Variants in DNAH9 observed in about 807,000 individuals in gnomAD.
DNAH9 encodes DNAH9 variant protein.
Under a neutral mutation model 471.6 loss-of-function variants are expected in DNAH9, and 345 were observed. The ratio of observed to expected loss-of-function variants is 0.73; its 90% CI spans 0.67 to 0.80. The LOEUF is 0.80. Ranked by LOEUF, DNAH9 falls within the 30% of genes least tolerant of loss-of-function variation. The pLI, the probability that DNAH9 is intolerant of heterozygous loss-of-function variation, is 0.00. For missense variants in DNAH9, 5,407 were observed against 5,609.2 expected (o/e 0.96, Z 1.15); for synonymous variants, 2,093 against 2,123.6 (o/e 0.99, Z 0.40).
At chr17:11,612,167 A>G in intron 4 of DNAH9, 1 of 487,938 alleles carries the variant, frequency 2.0e-6, no homozygotes. Context: ...GGGCCAGGAC[A>G]TACAGTTCTG....
chr17:11,837,040 C>T (rs900380697), intron 49 of DNAH9, among the ~76,000 whole-genome samples: 2 of 152,162 alleles, frequency 1.3e-5, no homozygotes, highest in African/African-American at 2.4e-5. Context: ...AAGTAGCTAA[C>T]AGATGATAGC....
intron 57 of DNAH9, among the ~76,000 whole-genome samples, chr17:11,890,354 A>C (rs1330365144): frequency 6.6e-6 from 1 of 152,226 alleles, no homozygotes; most frequent in Non-Finnish European, 1.5e-5. Flanking sequence ...GAACATGGGC[A>C]GAAGATTTTG....
chr17:11,967,653 A>G (rs529260033), intron 68 of DNAH9, among the ~76,000 whole-genome samples: 1 of 152,334 alleles, frequency 6.6e-6, no homozygotes, highest in Non-Finnish European at 1.5e-5. Flanking sequence ...ATGAATTTTA[A>G]AAAACAAACC....
At chr17:11,720,100 A>G (rs1244228687) in intron 27 of DNAH9, among the ~76,000 whole-genome samples, 1 of 152,156 alleles carries the variant, frequency 6.6e-6, no homozygotes, top group Non-Finnish European at 1.5e-5. Context: ...AATGTGTTCC[A>G]GGTTCTGAGT....
At chr17:11,966,410 A>G (rs955943024) in intron 68 of DNAH9, among the ~76,000 whole-genome samples, 15 of 152,200 alleles carry the variant, frequency 9.9e-5, no homozygotes, top group African/African-American at 3.4e-4. Context: ...ATTTTTTAAG[A>G]GAGAGAGACA....
rs1461660531 is a variant in DNAH9, at chr17:11,626,609, A to G, written c.1351-2808A>G. Reference sequence around the variant, plus strand: ...AGGTCGAAATGATCCCGTATCAGCAATGTAATAAGTTCAACCTGTATGGTG... The same window carrying G: ...AGGTCGAAATGATCCCGTATCAGCAGTGTAATAAGTTCAACCTGTATGGTG... On this transcript the variant is annotated intron_variant, in intron 6 of 68. Transcript: ENST00000262442. This position sits in a 1 kb window ranked among gnomAD's most constrained non-coding sequence, Gnocchi z 4.3. Among the ~76,000 whole-genome samples the G allele has an allele frequency of 2.6e-5, 4 of 152,210 alleles. No individual in the cohort carries two copies. Among genetic ancestry groups the G allele is most frequent in the African/African-American group, 9.7e-5 (4 of 41,444 alleles).
intron 8 of DNAH9, among the ~76,000 whole-genome samples, chr17:11,636,103 T>C (rs536966717): frequency 2.6e-5 from 4 of 152,224 alleles, no homozygotes; most frequent in South Asian, 4.2e-4. Flanking sequence ...GCCTCCCAGA[T>C]TCAGGCAATT....
intron 38 of DNAH9, among the ~76,000 whole-genome samples, chr17:11,770,626 T>G (rs1439980210): frequency 6.6e-6 from 1 of 152,158 alleles, no homozygotes; most frequent in Non-Finnish European, 1.5e-5. Context: ...CTGACTGTAG[T>G]TCAGACATGA....
chr17:11,716,176 C>T (rs1370289846), intron 26 of DNAH9, among the ~76,000 whole-genome samples: 1 of 151,276 alleles, frequency 6.6e-6, no homozygotes, highest in South Asian at 2.1e-4. Context: ...CTCTGCCTCC[C>T]GGGTTTAAGC....
rs777847268 is a variant in DNAH9 at position 11,598,722 on chromosome 17, G to C, written c.224G>C (p.Arg75Pro). The C allele has an allele frequency of 1.4e-6, 2 of 1,385,264 alleles. No individual in the cohort carries two copies. Among genetic ancestry groups the C allele is most frequent in the Non-Finnish European group, 1.9e-6 (2 of 1,077,052 alleles). 85.8% of individuals were successfully genotyped at this position (1,385,264 alleles called of 1,614,324 possible). A position where few individuals can be genotyped will look rare whatever the true frequency, so the allele number is the denominator to read the frequency against. The stretch of plus-strand genomic sequence containing the variant: ...GGGCCGCGGCCGCTGCTGGTGGTGC[G>C]GCCCGGGCCCAGGGGCCTGGCAATA... ...AEGPRPLLVV[R>P]PGPRGLAIRP... Residue 75 changes from arginine to proline, a missense_variant, in exon 1 of 69, where the codon CGG becomes CCG. Around this residue, in one of 3 missense-constraint regions of DNAH9, gnomAD observed 767 missense variants for 692.5 expected, o/e 1.11. Coordinates refer to ENST00000262442, the MANE Select transcript of DNAH9 (RefSeq NM_001372.4).
intron 60 of DNAH9, 92 bp from the exon 61 acceptor site, chr17:11,905,569 T>C: frequency 7.3e-7 from 1 of 1,364,468 alleles, no homozygotes; most frequent in Non-Finnish European, 1.0e-6. Flanking sequence ...CTTGAGCATG[T>C]TCTTTCATTT....
At chr17:11,851,924 T>C (rs904373134) in intron 49 of DNAH9, among the ~76,000 whole-genome samples, 1 of 152,212 alleles carries the variant, frequency 6.6e-6, no homozygotes, top group Non-Finnish European at 1.5e-5. Flanking sequence ...CATTTTCATC[T>C]CTGTACATTG....
chr17:11,751,093 A>G (rs1283459923), intron 32 of DNAH9, among the ~76,000 whole-genome samples: 1 of 152,018 alleles, frequency 6.6e-6, no homozygotes, highest in Non-Finnish European at 1.5e-5. Context: ...TTAATTGATG[A>G]CACATACTTG....
intron 26 of DNAH9, among the ~76,000 whole-genome samples, chr17:11,706,017 T>G (rs2074693499): frequency 6.6e-6 from 1 of 152,192 alleles, no homozygotes; most frequent in Non-Finnish European, 1.5e-5. Flanking sequence ...CTTGAAAATG[T>G]CATGGTGCAA....
At chr17:11,665,013 A>G (rs2073842714) in intron 15 of DNAH9, 45 bp downstream of exon 15, 1 of 1,556,634 alleles carries the variant, frequency 6.4e-7, no homozygotes, top group Non-Finnish European at 8.8e-7. Flanking sequence ...GAAAGATAAC[A>G]ACAGTAACAT....
chr17:11,780,391 T>TA (rs757672820), intron 38 of DNAH9, among the ~76,000 whole-genome samples: 4 of 152,200 alleles, frequency 2.6e-5, no homozygotes, highest in Non-Finnish European at 4.4e-5. Flanking sequence ...AGGCCTCTCT[T>TA]ACAGCCTCGG....
At chr17:11,938,676 A>G (rs1168029046) in intron 66 of DNAH9, among the ~76,000 whole-genome samples, 1 of 152,034 alleles carries the variant, frequency 6.6e-6, no homozygotes, top group Non-Finnish European at 1.5e-5. Context: ...ACAGCTCACT[A>G]CAGCCTGCAA....
chr17:11,903,910 T>TAAAAAAG (rs59139033), intron 60 of DNAH9, among the ~76,000 whole-genome samples: 121,995 of 149,050 alleles, frequency 0.82, 50,521 homozygotes, highest in Non-Finnish European at 0.89. Context: ...GACTCCATTT[T>TAAAAAAG]AAAAAAGAAA....
rs945631449 is a variant in DNAH9, at chr17:11,626,384, A to G, written c.1351-3033A>G. On this transcript the variant is annotated intron_variant, in intron 6 of 68. Coordinates refer to ENST00000262442, the MANE Select transcript of DNAH9 (RefSeq NM_001372.4). The surrounding 1 kb of genome is among the most constrained non-coding windows in gnomAD (Gnocchi z 4.3). Reference sequence around the variant, plus strand: ...TTTAAGGCTAATCAAAGATATAGCCATGGTCAATGCCATAAGTCTGGTGTC... The same window carrying G: ...TTTAAGGCTAATCAAAGATATAGCCGTGGTCAATGCCATAAGTCTGGTGTC... Among the ~76,000 whole-genome samples the G allele has an allele frequency of 1.3e-5, 2 of 152,202 alleles. No individual in the cohort carries two copies. The highest frequency in any genetic ancestry group is 6.5e-5 in the Admixed American group (1 of 15,286).
Sources: gnomAD v4.1 joint callset for allele counts (sites outside exome capture counted in the v4.1 genomes callset) on GRCh38, gnomAD v4.1.1 for gene constraint, gnomAD v4.1.1 regional missense constraint, Gnocchi (gnomAD v3.1) non-coding constraint, MANE v1.5 for transcripts, NCBI Gene and HGNC (gene_info 2026-07-23, HGNC 2026-07-21) for gene names.